The following CHP1 variants were observed in gnomAD, a reference collection of about 807,000 sequenced individuals.
CHP1 encodes calcineurin B homologous protein 1.
In CHP1, 11 loss-of-function variants were observed where a neutral mutation model predicts 27.4. That is an observed-to-expected ratio of 0.40 (90% CI 0.25 to 0.67). The LOEUF (loss-of-function observed/expected upper bound fraction) is 0.67, where lower values mean the gene tolerates loss of function less well. Ranked by LOEUF, CHP1 falls within the 30% of genes least tolerant of loss-of-function variation. CHP1 has a pLI of 0.38. For missense variants in CHP1, 169 were observed against 251.3 expected (o/e 0.67, Z 2.22); for synonymous variants, 89 against 87.4 (o/e 1.02, Z -0.10).
rs2047532167 is a variant in CHP1, at chr15:41,278,862, T to G, written c.507T>G (p.Ser169Arg). ...AGGAGGCTGATCAGGATGGGGACAG[T>G]GCCATATCTTTCACAGAATTTGTTA... Reference protein sequence around the residue: ...TIQEADQDGDSAISFTEFVKV... With the variant: ...TIQEADQDGDRAISFTEFVKV... Residue 169 changes from serine to arginine, a missense_variant, in exon 6 of 7, where the codon AGT (serine) becomes AGG (arginine). Coordinates refer to ENST00000334660, the MANE Select transcript of CHP1 (RefSeq NM_007236.5). 6.2e-7 allele frequency: 1 copy of G among 1,614,060 alleles called. No homozygotes were observed. Among genetic ancestry groups the G allele is most frequent in the Admixed American group, 1.7e-5 (1 of 59,992 alleles).
intron 2 of CHP1, among the ~76,000 whole-genome samples, chr15:41,246,930 A>C (rs543163444): frequency 6.6e-6 from 1 of 150,604 alleles, no homozygotes; most frequent in Admixed American, 6.7e-5. Context: ...TCACACCTGT[A>C]ATCCCAGCAC....
intron 1 of CHP1, among the ~76,000 whole-genome samples, chr15:41,237,360 C>T (rs140252367): frequency 1.4e-3 from 213 of 152,114 alleles, no homozygotes; most frequent in African/African-American, 4.9e-3. Context: ...GTTGGCCAGG[C>T]TGGTCTCGAA....
intron 2 of CHP1, among the ~76,000 whole-genome samples, chr15:41,251,755 A>G (rs888583295): frequency 2.0e-5 from 3 of 151,664 alleles, no homozygotes; most frequent in African/African-American, 2.4e-5. Flanking sequence ...ATTATTTTCC[A>G]TAAAACTGGT....
At chr15:41,236,802 A>G (rs889125513) in intron 1 of CHP1, among the ~76,000 whole-genome samples, 6 of 151,584 alleles carry the variant, frequency 4.0e-5, no homozygotes, top group African/African-American at 1.5e-4. Context: ...TATCACACCT[A>G]AGAAAGTTGA....
At chr15:41,244,213 AC>A (rs1347646137) in intron 2 of CHP1, among the ~76,000 whole-genome samples, 1 of 151,212 alleles carries the variant, frequency 6.6e-6, no homozygotes, top group East Asian at 1.9e-4. Flanking sequence ...AAAAAAAAAA[AC>A]AGCGGAACTA....
chr15:41,232,317 TCTC>T (rs1408626951), intron 1 of CHP1, among the ~76,000 whole-genome samples: 1 of 151,694 alleles, frequency 6.6e-6, no homozygotes, highest in African/African-American at 2.4e-5. Flanking sequence ...TTCAAGCAGT[TCTC>T]CTGCCTCAGC....
intron 2 of CHP1, among the ~76,000 whole-genome samples, chr15:41,247,069 T>TA (rs914009540): frequency 2.0e-5 from 3 of 151,484 alleles, no homozygotes; most frequent in Non-Finnish European, 4.4e-5. Context: ...GCCTGCTCCT[T>TA]AAAATCTAAG....
chr15:41,243,562 G>T, intron 1 of CHP1, 105 bp from the exon 2 acceptor site: 1 of 753,774 alleles, frequency 1.3e-6, no homozygotes, highest in Admixed American at 2.6e-5. Flanking sequence ...TAAGAGTTTC[G>T]ACATCCCAGT....
intron 1 of CHP1, 102 bp downstream of exon 1, chr15:41,231,551 G>C: frequency 9.0e-7 from 1 of 1,108,296 alleles, no homozygotes; most frequent in Non-Finnish European, 1.3e-6. Context: ...TGTGAGGTTG[G>C]GGGGTCCTGG....
intron 5 of CHP1, among the ~76,000 whole-genome samples, chr15:41,274,299 G>T (rs975301807): frequency 6.6e-6 from 1 of 152,190 alleles, no homozygotes; most frequent in African/African-American, 2.4e-5. Context: ...AACATGGACA[G>T]GTAGAGGGAG....
intron 3 of CHP1, among the ~76,000 whole-genome samples, chr15:41,258,805 A>G (rs2047416204): frequency 6.6e-6 from 1 of 152,194 alleles, no homozygotes; most frequent in Admixed American, 6.5e-5. Context: ...GGACTTCAAA[A>G]TATTATATGG....
At chr15:41,270,698 G>A (rs1365541826) in intron 5 of CHP1, 80 bp downstream of exon 5, 18 of 1,139,696 alleles carry the variant, frequency 1.6e-5, no homozygotes, top group Non-Finnish European at 2.3e-5. Context: ...CTTTCCTTTA[G>A]TAAGCATTTA....
At chr15:41,233,347 C>T (rs754839372) in intron 1 of CHP1, among the ~76,000 whole-genome samples, 3 of 152,056 alleles carry the variant, frequency 2.0e-5, no homozygotes, top group African/African-American at 4.8e-5. Flanking sequence ...ATTTTTGCTT[C>T]AGAATGAAGG....
intron 3 of CHP1, among the ~76,000 whole-genome samples, chr15:41,257,557 T>A (rs2047406883): frequency 6.6e-6 from 1 of 151,810 alleles, no homozygotes; most frequent in South Asian, 2.1e-4. Context: ...GAGATCCTTT[T>A]TTCGTTTGTT....
At chr15:41,253,769 A>T (rs894741374) in intron 2 of CHP1, among the ~76,000 whole-genome samples, 1 of 151,070 alleles carries the variant, frequency 6.6e-6, no homozygotes, top group African/African-American at 2.4e-5. Context: ...ATTATTTTTT[A>T]TACTCTTTCT....
intron 2 of CHP1, chr15:41,256,569 C>T: frequency 3.7e-6 from 1 of 270,964 alleles, no homozygotes; most frequent in Non-Finnish European, 7.2e-6. Context: ...TGTTCACTTT[C>T]CAAACTTAAT....
intron 2 of CHP1, among the ~76,000 whole-genome samples, chr15:41,247,206 G>C (rs28409265): frequency 6.6e-6 from 1 of 151,038 alleles, no homozygotes; most frequent in Non-Finnish European, 1.5e-5. Context: ...CCATCTTTAC[G>C]AAAAATACAA....
rs565738987 is a variant in CHP1 at position 41,263,052 on chromosome 15, C to T, written c.349+169C>T. On this transcript the variant is annotated intron_variant, in intron 4 of 6. Transcript: ENST00000334660. ...AAATACTAGTCTACCCTTTTTTGGT[C>T]GTGTGACTTTGGGCAAGGTACTTAA... Among the ~76,000 whole-genome samples the T allele has an allele frequency of 6.1e-3, 933 of 151,936 alleles. 4 individuals carry two copies. The highest frequency in any genetic ancestry group is 9.9e-3 in the Non-Finnish European group (673 of 67,910).
At chr15:41,231,561 G>A in intron 1 of CHP1, 112 bp downstream of exon 1, 1 of 1,002,290 alleles carries the variant, frequency 1.0e-6, no homozygotes, top group South Asian at 1.4e-5. Flanking sequence ...GGGGGTCCTG[G>A]GCAGCCTCCA....
Sources: allele counts gnomAD v4.1 joint callset (sites outside exome capture counted in the v4.1 genomes callset), GRCh38; gene constraint gnomAD v4.1.1; transcripts MANE v1.5; gene names NCBI Gene and HGNC (gene_info 2026-07-23, HGNC 2026-07-21).